The following SLC24A3 variants were observed in gnomAD, a reference collection of about 807,000 sequenced individuals.
SLC24A3 encodes the protein solute carrier family 24 member 3.
SLC24A3 carries 28 observed loss-of-function variants against 75.8 expected under a neutral mutation model. That is an observed-to-expected ratio of 0.37 (90% CI 0.27 to 0.51). The LOEUF is 0.51. Ranked by LOEUF, SLC24A3 falls within the 20% of genes least tolerant of loss-of-function variation. The pLI is 0.94. For missense variants in SLC24A3, 663 were observed against 847.8 expected (o/e 0.78, Z 2.71); for synonymous variants, 372 against 334.1 (o/e 1.11, Z -1.24).
intron 6 of SLC24A3, among the ~76,000 whole-genome samples, chr20:19,633,547 G>T (rs1402576212): frequency 1.3e-5 from 2 of 150,626 alleles, no homozygotes; most frequent in East Asian, 3.9e-4. Context: ...TACTTGGGAG[G>T]CTGAGGCAGG....
intron 2 of SLC24A3, among the ~76,000 whole-genome samples, chr20:19,455,337 A>T (rs991699193): frequency 3.9e-5 from 6 of 152,216 alleles, no homozygotes; most frequent in Admixed American, 3.3e-4. Context: ...CTATTAGGTA[A>T]CCAGATAAAC....
chr20:19,477,293 G>C (rs1403646709), intron 2 of SLC24A3, among the ~76,000 whole-genome samples: 2 of 152,202 alleles, frequency 1.3e-5, no homozygotes, highest in Non-Finnish European at 2.9e-5. Context: ...GGTCAAGCCT[G>C]AGGAGGCCAA....
At chr20:19,290,072 G>T (rs1983902205) in intron 2 of SLC24A3, among the ~76,000 whole-genome samples, 1 of 152,134 alleles carries the variant, frequency 6.6e-6, no homozygotes, top group Admixed American at 6.5e-5. Flanking sequence ...CAGCCCCTGG[G>T]TGCCTGTTAC....
At chr20:19,545,672 A>G (rs2030576654) in intron 3 of SLC24A3, among the ~76,000 whole-genome samples, 1 of 152,152 alleles carries the variant, frequency 6.6e-6, no homozygotes, top group African/African-American at 2.4e-5. Context: ...ACTGGAGCAT[A>G]TCCTGCAGTA....
In SLC24A3 at chr20:19,345,794, T is replaced by C. The variant is rs141874863; in HGVS notation, c.271+64707T>C. On this transcript the variant is annotated intron_variant, in intron 2 of 16. Transcript: ENST00000328041. ...ATCAAGAATAAAAAAAGAGTAGACG[T>C]TGGCGTGGATGTAGTGAAAAGGGAA... Among the ~76,000 whole-genome samples, 627 of 151,696 alleles carry C rather than the reference T, an allele frequency of 4.1e-3. 4 individuals are homozygous for C. Among genetic ancestry groups the C allele is most frequent in the Non-Finnish European group, 6.8e-3 (463 of 67,896 alleles).
rs773314666 is a variant in SLC24A3, at chr20:19,654,077, T to C, written c.628T>C (p.Ser210Pro). Residue 210 changes from serine to proline, a missense_variant, in exon 7 of 17, where the codon TCC becomes CCC. By Grantham distance (74) the Ser-to-Pro change is moderately conservative. This residue lies in a region of SLC24A3 where 510 missense variants were observed against 703.6 expected (regional missense o/e 0.72). Coordinates refer to ENST00000328041, the MANE Select transcript of SLC24A3 (RefSeq NM_020689.4). ...LFAGQVVALS[S>P]WCLLRDSIYY... is the part of the protein sequence containing the mutation. The stretch of plus-strand genomic sequence containing the variant: ...TGTCCTGCAGGTTGTGGCTCTTTCC[T>C]CCTGGTGCCTGCTGAGGGATTCTAT... The C allele has an allele frequency of 6.2e-7, 1 of 1,613,590 alleles. No individual in the cohort carries two copies. The highest frequency in any genetic ancestry group is 1.7e-5 in the Admixed American group (1 of 60,008).
At chr20:19,595,107 G>C (rs113516788) in intron 6 of SLC24A3, among the ~76,000 whole-genome samples, 14 of 152,178 alleles carry the variant, frequency 9.2e-5, no homozygotes, top group Non-Finnish European at 1.9e-4. Flanking sequence ...TCACAAGCTA[G>C]AGTAAGAAAA....
intron 1 of SLC24A3, among the ~76,000 whole-genome samples, chr20:19,257,858 C>G (rs1215835700): frequency 3.9e-5 from 6 of 152,276 alleles, no homozygotes; most frequent in African/African-American, 1.4e-4. Context: ...TAGGGTTTCC[C>G]TCTGTTGTCC....
chr20:19,654,003 C>T, intron 6 of SLC24A3, 59 bp from the exon 7 acceptor site: 1 of 1,437,922 alleles, frequency 7.0e-7, no homozygotes, highest in African/African-American at 1.4e-5. Context: ...CTGCAAGAGT[C>T]CCGCCATCTC....
intron 3 of SLC24A3, among the ~76,000 whole-genome samples, chr20:19,530,886 C>G (rs569132114): frequency 5.9e-5 from 9 of 152,148 alleles, no homozygotes; most frequent in Non-Finnish European, 1.2e-4. Context: ...AGGTATGGCT[C>G]CATGCCCTGG....
At chr20:19,437,424 C>T (rs1341086819) in intron 2 of SLC24A3, among the ~76,000 whole-genome samples, 1 of 152,218 alleles carries the variant, frequency 6.6e-6, no homozygotes, top group Admixed American at 6.5e-5. Flanking sequence ...TTTCTCAGGC[C>T]TCCCCAGCCA....
intron 3 of SLC24A3, among the ~76,000 whole-genome samples, chr20:19,574,725 T>G (rs2031103940): frequency 6.6e-6 from 1 of 152,198 alleles, no homozygotes; most frequent in East Asian, 1.9e-4. Flanking sequence ...TGCTTTTCAT[T>G]TACTTCTCAC....
chr20:19,620,533 C>T (rs1600306216), intron 6 of SLC24A3, among the ~76,000 whole-genome samples: 2 of 152,316 alleles, frequency 1.3e-5, no homozygotes, highest in Non-Finnish European at 2.9e-5. Context: ...GGCAACAAAG[C>T]AGAAGTTCAC....
chr20:19,408,683 C>T (rs1415205967), intron 2 of SLC24A3, among the ~76,000 whole-genome samples: 2 of 152,210 alleles, frequency 1.3e-5, no homozygotes, highest in African/African-American at 4.8e-5. Flanking sequence ...AGCCACCACA[C>T]CCGGCCTAAA....
At chr20:19,359,037 T>C (rs917830380) in intron 2 of SLC24A3, among the ~76,000 whole-genome samples, 2 of 152,218 alleles carry the variant, frequency 1.3e-5, no homozygotes, top group East Asian at 3.8e-4. Flanking sequence ...GACATTTGGG[T>C]GTTTCCACCT....
rs1196422941 is a variant in SLC24A3 at position 19,696,848 on chromosome 20, A to G, written c.1543A>G (p.Thr515Ala). 1 of 1,613,436 alleles carries G rather than the reference A, an allele frequency of 6.2e-7. No individual in the cohort carries two copies. Among genetic ancestry groups the G allele is most frequent in the Non-Finnish European group, 8.5e-7 (1 of 1,179,912 alleles). ...GATTCCTGACGTCATCATGGGGATC[A>G]CCTTCCTGGCTGCTGGGACCAGCGT... ...LGIPDVIMGI[T>A]FLAAGTSVPD... The change falls in exon 14 of 17, where the codon ACC becomes GCC. Residue 515 changes from threonine to alanine, a missense_variant. Around this residue, in one of 2 missense-constraint regions of SLC24A3, gnomAD observed 510 missense variants for 703.6 expected, o/e 0.72. Coordinates refer to ENST00000328041, the MANE Select transcript of SLC24A3 (RefSeq NM_020689.4).
At chr20:19,646,946 G>T (rs1292232606) in intron 6 of SLC24A3, among the ~76,000 whole-genome samples, 1 of 151,768 alleles carries the variant, frequency 6.6e-6, no homozygotes, top group African/African-American at 2.4e-5. Context: ...CCCACCCGTG[G>T]CTTTTCACCC....
intron 2 of SLC24A3, among the ~76,000 whole-genome samples, chr20:19,300,810 G>C (rs1422870799): frequency 1.3e-5 from 2 of 152,092 alleles, no homozygotes; most frequent in African/African-American, 4.8e-5. Context: ...GCAGGCAGGA[G>C]GTTTCCAGCT....
At chr20:19,249,686 G>A (rs1982594532) in intron 1 of SLC24A3, among the ~76,000 whole-genome samples, 4 of 152,100 alleles carry the variant, frequency 2.6e-5, no homozygotes. Flanking sequence ...GCTGTCTATT[G>A]GTGGACTGAG....
Sources: gnomAD v4.1 joint callset for allele counts (sites outside exome capture counted in the v4.1 genomes callset) on GRCh38, gnomAD v4.1.1 for gene constraint, gnomAD v4.1.1 regional missense constraint, MANE v1.5 for transcripts, NCBI Gene and HGNC (gene_info 2026-07-23, HGNC 2026-07-21) for gene names.